ZNF423: variants seen among roughly 807,000 people sequenced by gnomAD.
The protein encoded by ZNF423 is zinc finger protein 423.
In ZNF423, 12 loss-of-function variants were observed where a neutral mutation model predicts 95.8. That is an observed-to-expected ratio of 0.13 (90% CI 0.08 to 0.20). The LOEUF is 0.20. ZNF423 is among the 10% of genes least tolerant of loss of function. The pLI is 1.00. For missense variants in ZNF423, 1,316 were observed against 1,737.1 expected (o/e 0.76, Z 4.31); for synonymous variants, 749 against 711.9 (o/e 1.05, Z -0.83).
intron 4 of ZNF423, among the ~76,000 whole-genome samples, chr16:49,628,114 C>T (rs1244884977): frequency 1.3e-5 from 2 of 150,658 alleles, no homozygotes; most frequent in Non-Finnish European, 3.0e-5. Flanking sequence ...ACCCATCCAT[C>T]CATCTACTCC....
In ZNF423 at chr16:49,636,330, G is replaced by A. The variant is rs778403528; in HGVS notation, c.2846C>T (p.Ser949Leu). The A allele has an allele frequency of 9.9e-6, 16 of 1,612,582 alleles. No individual in the cohort carries two copies. Among genetic ancestry groups the A allele is most frequent in the African/African-American group, 9.3e-5 (7 of 74,906 alleles). Residue 949 changes from serine to leucine, a missense_variant, in exon 4 of 8, where the codon TCG becomes TTG. By Grantham distance (145) the Ser-to-Leu change is moderately radical (BLOSUM62 -2). Transcript: ENST00000563137. This position sits in a 1 kb window ranked among gnomAD's most constrained non-coding sequence, Gnocchi z 8.6. ...CAGGTGCTCCCGTAGCCCGTTCTCC[G>A]AGAAGAAAGTCCGTGAACAAACGTT... is the stretch of plus-strand genomic sequence containing the variant. Reference protein sequence around the residue: ...KCNVCSRTFFSENGLREHLQT... With the variant: ...KCNVCSRTFFLENGLREHLQT...
At chr16:49,669,080 A>G (rs954040081) in intron 3 of ZNF423, among the ~76,000 whole-genome samples, 4 of 152,142 alleles carry the variant, frequency 2.6e-5, no homozygotes, top group African/African-American at 9.7e-5. Context: ...CTGTAATCCT[A>G]GCACTTTGGG....
intron 3 of ZNF423, among the ~76,000 whole-genome samples, chr16:49,665,455 G>C (rs1350207800): frequency 1.3e-5 from 2 of 152,162 alleles, no homozygotes; most frequent in African/African-American, 4.8e-5. Context: ...CGCAGTAAGG[G>C]TGCCAGAGCC....
chr16:49,686,089 A>G (rs568082631), intron 3 of ZNF423, among the ~76,000 whole-genome samples: 13 of 152,296 alleles, frequency 8.5e-5, no homozygotes, highest in African/African-American at 2.4e-4. Context: ...CCTAGAAGAT[A>G]AACGTAGCTA....
chr16:49,770,931 C>T (rs1051349899), intron 2 of ZNF423, among the ~76,000 whole-genome samples: 2 of 152,190 alleles, frequency 1.3e-5, no homozygotes, highest in Non-Finnish European at 2.9e-5. Flanking sequence ...TGGCTTCCAG[C>T]CCCCACCTTC....
intron 5 of ZNF423, among the ~76,000 whole-genome samples, chr16:49,555,199 C>A (rs1969779001): frequency 6.6e-6 from 1 of 152,208 alleles, no homozygotes; most frequent in Non-Finnish European, 1.5e-5. Context: ...CCTTAATGAT[C>A]CTTAATGCCT....
intron 2 of ZNF423, among the ~76,000 whole-genome samples, chr16:49,742,461 T>C (rs1403164587): frequency 6.6e-6 from 1 of 152,150 alleles, no homozygotes; most frequent in African/African-American, 2.4e-5. Context: ...CTTACAATCT[T>C]AATAAAACTG....
At chr16:49,776,379 C>G (rs2034119957) in intron 2 of ZNF423, among the ~76,000 whole-genome samples, 1 of 152,216 alleles carries the variant, frequency 6.6e-6, no homozygotes, top group Non-Finnish European at 1.5e-5. Flanking sequence ...AGCCCCACAG[C>G]CAGCACAGGA....
At chr16:49,710,903 C>T (rs571908604) in intron 3 of ZNF423, among the ~76,000 whole-genome samples, 277 of 152,296 alleles carry the variant, frequency 1.8e-3, no homozygotes, top group Non-Finnish European at 3.1e-3. Context: ...CCAGGCTTCA[C>T]TTGGGGACAT....
chr16:49,649,524 G>A (rs1235195680), intron 3 of ZNF423, among the ~76,000 whole-genome samples: 1 of 151,816 alleles, frequency 6.6e-6, no homozygotes, highest in Non-Finnish European at 1.5e-5. Context: ...TTTTCCAAAG[G>A]GTGTAGAGGT....
At chr16:49,843,274 A>G (rs1029820825) in intron 1 of ZNF423, among the ~76,000 whole-genome samples, 1 of 152,220 alleles carries the variant, frequency 6.6e-6, no homozygotes, top group African/African-American at 2.4e-5. Flanking sequence ...ATGTTCACCA[A>G]TGGAAGACTG....
rs972502840 is a variant in ZNF423 at position 49,635,549 on chromosome 16, G to A, written c.3516+111C>T. Reference sequence around the variant, plus strand: ...CACAGCAGTTCTGTTTTGCCACTGCGCGATAGCGCCGCTTCTTGGAAACAC... The same window carrying A: ...CACAGCAGTTCTGTTTTGCCACTGCACGATAGCGCCGCTTCTTGGAAACAC... On this transcript the variant is annotated intron_variant, in intron 4 of 7. Transcript: ENST00000563137. This position sits in a 1 kb window ranked among gnomAD's most constrained non-coding sequence, Gnocchi z 4.8. 540 of 1,406,476 alleles carry A rather than the reference G, an allele frequency of 3.8e-4. 1 individual carries two copies. The highest frequency in any genetic ancestry group is 4.8e-4 in the Non-Finnish European group (506 of 1,058,256). 87.1% of individuals were successfully genotyped at this position (1,406,476 alleles called of 1,614,324 possible). A position where few individuals can be genotyped will look rare whatever the true frequency, so the allele number is the denominator to read the frequency against.
chr16:49,587,589 GA>G (rs1414830305), intron 5 of ZNF423, among the ~76,000 whole-genome samples: 1 of 152,120 alleles, frequency 6.6e-6, no homozygotes, highest in Non-Finnish European at 1.5e-5. Flanking sequence ...TGTTGGGGTG[GA>G]ACAGGAGAGA....
At chr16:49,525,640 C>T in intron 5 of ZNF423, 146 bp from the exon 6 acceptor site, 1 of 1,168,528 alleles carries the variant, frequency 8.6e-7, no homozygotes, top group Non-Finnish European at 1.2e-6. Context: ...CACCAAGACT[C>T]ATCCTGGCTC....
chr16:49,849,381 AAAAG>A (rs1203085403), intron 1 of ZNF423, among the ~76,000 whole-genome samples: 3 of 152,322 alleles, frequency 2.0e-5, no homozygotes, highest in East Asian at 1.9e-4. Context: ...CTCCACAAAA[AAAAG>A]AAAGAAAGAA....
intron 2 of ZNF423, among the ~76,000 whole-genome samples, chr16:49,765,841 T>G (rs1350255256): frequency 1.3e-5 from 2 of 152,166 alleles, no homozygotes; most frequent in Non-Finnish European, 2.9e-5. Context: ...AAATACTGTA[T>G]GTCTCCACTC....
intron 5 of ZNF423, among the ~76,000 whole-genome samples, chr16:49,534,123 G>C (rs1480181526): frequency 1.3e-5 from 2 of 151,810 alleles, no homozygotes; most frequent in Non-Finnish European, 2.9e-5. Flanking sequence ...GGGTGATGGA[G>C]GGAGACTCTG....
chr16:49,570,074 A>G (rs1970310073), intron 5 of ZNF423, among the ~76,000 whole-genome samples: 4 of 152,204 alleles, frequency 2.6e-5, no homozygotes, highest in Admixed American at 2.6e-4. Context: ...CTGTTAAACA[A>G]AATGAAATAG....
intron 2 of ZNF423, among the ~76,000 whole-genome samples, chr16:49,763,558 TC>T (rs2033871256): frequency 6.6e-6 from 1 of 152,028 alleles, no homozygotes; most frequent in Non-Finnish European, 1.5e-5. Flanking sequence ...TTCCCACATG[TC>T]CCTCCAAAGG....
Sources: allele counts gnomAD v4.1 joint callset (sites outside exome capture counted in the v4.1 genomes callset), GRCh38; gene constraint gnomAD v4.1.1; non-coding constraint Gnocchi (gnomAD v3.1); transcripts MANE v1.5; gene names NCBI Gene and HGNC (gene_info 2026-07-23, HGNC 2026-07-21).